Variants in DNAJC10 observed in about 807,000 individuals in gnomAD.
DNAJC10 encodes endoplasmic reticulum disulfide reductase DNAJC10.
DNAJC10 carries 101 observed loss-of-function variants against 115.0 expected under a neutral mutation model. That is an observed-to-expected ratio of 0.88 (90% CI 0.75 to 1.04). The LOEUF (loss-of-function observed/expected upper bound fraction) is 1.04. Ranked by LOEUF, DNAJC10 falls within the 50% of genes least tolerant of loss-of-function variation. The pLI, the probability that DNAJC10 is intolerant of heterozygous loss-of-function variation, is 0.00. For missense variants in DNAJC10, 981 were observed against 928.8 expected (o/e 1.06, Z -0.73); for synonymous variants, 307 against 301.5 (o/e 1.02, Z -0.19).
intron 16 of DNAJC10, chr2:182,754,794 A>T (rs894904171): frequency 1.4e-5 from 19 of 1,312,146 alleles, no homozygotes; most frequent in Non-Finnish European, 1.8e-5. Context: ...AGCAGCTATA[A>T]ATAAGGATCA....
Position 182,781,396 on chromosome 2 carries a change from C to T in DNAJC10, c.*4264C>T, listed in dbSNP as rs1694842788. The T allele has an allele frequency of 2.0e-5, 3 of 152,156 alleles. No individual in the cohort carries two copies. The South Asian group carries it at 6.2e-4, about 32-fold the overall frequency. 9.4% of individuals were successfully genotyped at this position (152,156 alleles called of 1,614,324 possible). A position where few individuals can be genotyped will look rare whatever the true frequency, so the allele number is the denominator to read the frequency against. ...CATTTTGGTTGGTTCCAAGTGTTTC[C>T]TATTGTGAATAGTGCTCCAATAAAC... On this transcript the variant is annotated 3_prime_UTR_variant, in exon 24 of 24. Coordinates refer to ENST00000264065, the MANE Select transcript of DNAJC10 (RefSeq NM_018981.4).
At chr2:182,716,964 T>G (rs1345626798) in intron 1 of DNAJC10, 52 bp from the exon 2 acceptor site, 1 of 152,252 alleles carries the variant, frequency 6.6e-6, no homozygotes, top group African/African-American at 2.4e-5. Flanking sequence ...TTCTGATGGT[T>G]GTTTTCTTGT....
chr2:182,748,073 A>T (rs1320992990), intron 14 of DNAJC10, among the ~76,000 whole-genome samples: 1 of 144,846 alleles, frequency 6.9e-6, no homozygotes, highest in Non-Finnish European at 1.5e-5. Context: ...CATCCCAGGG[A>T]TGAAGCCCAC....
At chr2:182,725,927 A>G (rs1411666379) in intron 5 of DNAJC10, among the ~76,000 whole-genome samples, 1 of 152,192 alleles carries the variant, frequency 6.6e-6, no homozygotes, top group Non-Finnish European at 1.5e-5. Flanking sequence ...CCGTAAATCA[A>G]GGAGTAATTT....
chr2:182,735,690 T>G (rs2105634799), intron 10 of DNAJC10, among the ~76,000 whole-genome samples: 1 of 152,250 alleles, frequency 6.6e-6, no homozygotes, highest in African/African-American at 2.4e-5. Context: ...ACTTGCCCAG[T>G]GCAGAAATTT....
chr2:182,788,541 A>G lies in DNAJC10; in HGVS notation c.*11409A>G, dbSNP rs930619772. ...TATAAAAAGTATTAAAATTTGAAAA[A>G]TATCTTGGAAATAAGGATGGACAGT... On this transcript the variant is annotated 3_prime_UTR_variant, in exon 24 of 24. Transcript: ENST00000264065. The G allele has an allele frequency of 1.0e-5, 2 of 200,828 alleles. No individual in the cohort carries two copies. The highest frequency in any genetic ancestry group is 2.1e-5 in the Non-Finnish European group (2 of 97,514). 12.4% of individuals were successfully genotyped at this position (200,828 alleles called of 1,614,324 possible).
intron 5 of DNAJC10, among the ~76,000 whole-genome samples, chr2:182,725,086 CATT>C (rs1294258383): frequency 6.6e-6 from 1 of 152,080 alleles, no homozygotes; most frequent in African/African-American, 2.4e-5. Flanking sequence ...CAAACTTTTT[CATT>C]ATTATTCTGT....
rs992376212 is a variant in DNAJC10, at chr2:182,717,016, G to A, written c.-203G>A. On this transcript the variant is annotated splice_region_variant and 5_prime_UTR_variant, in exon 2 of 24. Transcript: ENST00000264065. ...CTCTACATCATTATATTTTTCAAAG[G>A]TATATTTTTGTGGAATGAAAAGGAA... 1 of 152,202 alleles carries A rather than the reference G, an allele frequency of 6.6e-6. No individual in the cohort carries two copies. The highest frequency in any genetic ancestry group is 2.4e-5 in the African/African-American group (1 of 41,450). The allele number at this position is 152,202 out of a possible 1,614,324, so 9.4% of individuals were successfully genotyped here.
rs750728731 is a variant in DNAJC10, at chr2:182,728,568, A to G, written c.419-8A>G. The G allele has an allele frequency of 6.3e-7, 1 of 1,599,424 alleles. No homozygotes were observed. On this transcript the variant is annotated splice_region_variant and splice_polypyrimidine_tract_variant and intron_variant, in intron 5 of 23. Coordinates refer to ENST00000264065, the MANE Select transcript of DNAJC10 (RefSeq NM_018981.4). The stretch of plus-strand genomic sequence containing the variant: ...ATTCTAAGTTGTTTGCATTTTATGT[A>G]TTTTTAGATGCTGCTGTTAATTCTG...
intron 22 of DNAJC10, among the ~76,000 whole-genome samples, chr2:182,766,524 C>G (rs780957032): frequency 4.6e-5 from 7 of 152,110 alleles, no homozygotes; most frequent in Non-Finnish European, 1.5e-5. Context: ...TGCATGCTGC[C>G]TTCTAGGTTT....
rs748069079 is a variant in DNAJC10, at chr2:182,756,441, T to C, written c.1781T>C (p.Leu594Ser). ...CCGTGGTGTCATCCTTGCCAAGTCT[T>C]AATGCCAGAATGGAAAAGAATGGCC... ...YSPWCHPCQVLMPEWKRMART... is the reference protein window; with the variant it reads ...YSPWCHPCQVSMPEWKRMART... The change falls in exon 18 of 24, where the codon TTA (leucine) becomes TCA (serine). Residue 594 changes from leucine (L) to serine (S), a missense_variant. Physicochemically the swap from Leu to Ser is moderately radical, Grantham distance 145 (BLOSUM62 -2). Coordinates refer to ENST00000264065, the MANE Select transcript of DNAJC10 (RefSeq NM_018981.4). 6.2e-7 allele frequency: 1 copy of C among 1,613,922 alleles called. No homozygotes were observed. Among genetic ancestry groups the C allele is most frequent in the South Asian group, 1.1e-5 (1 of 91,038 alleles).
intron 22 of DNAJC10, among the ~76,000 whole-genome samples, chr2:182,767,982 T>C (rs1694458792): frequency 6.6e-6 from 1 of 152,142 alleles, no homozygotes. Context: ...GCCATGTACA[T>C]ACGTATGAAT....
chr2:182,774,477 G>A (rs1694650526), intron 22 of DNAJC10, among the ~76,000 whole-genome samples: 1 of 152,192 alleles, frequency 6.6e-6, no homozygotes, highest in African/African-American at 2.4e-5. Context: ...GAGGCTGAAG[G>A]CCTTGTTGAG....
intron 11 of DNAJC10, among the ~76,000 whole-genome samples, chr2:182,736,811 G>A (rs1290512700): frequency 2.6e-5 from 4 of 152,080 alleles, no homozygotes; most frequent in Non-Finnish European, 4.4e-5. Context: ...GTGCAGTGGC[G>A]TGATCTCGGC....
intron 9 of DNAJC10, 133 bp downstream of exon 9, chr2:182,731,240 T>A: frequency 1.7e-6 from 1 of 593,322 alleles, no homozygotes. Flanking sequence ...ACAATTTTTT[T>A]ACTTAATGAA....
rs1026695778 is a variant in DNAJC10, at chr2:182,717,193, A to G, written c.-147+121A>G. 5 of 152,332 alleles carry G rather than the reference A, an allele frequency of 3.3e-5. 1 individual carries two copies. The highest frequency in any genetic ancestry group is 3.3e-4 in the Admixed American group (5 of 15,298). The allele number at this position is 152,332 out of a possible 1,614,324, so 9.4% of individuals were successfully genotyped here. On this transcript the variant is annotated intron_variant, in intron 2 of 23. Transcript: ENST00000264065. ...TTTGGAACTAAAATATAGTGGTTGA[A>G]ATGTGATATGATGAAGTAATGATTG...
In DNAJC10 at chr2:182,728,564, A is replaced by G. The variant is rs1693350866; in HGVS notation, c.419-12A>G. ...AATAATTCTAAGTTGTTTGCATTTTATGTATTTTTAGATGCTGCTGTTAAT... is the reference window on the plus strand; with the variant it reads ...AATAATTCTAAGTTGTTTGCATTTTGTGTATTTTTAGATGCTGCTGTTAAT... On this transcript the variant is annotated splice_polypyrimidine_tract_variant and intron_variant, in intron 5 of 23. Coordinates refer to ENST00000264065, the MANE Select transcript of DNAJC10 (RefSeq NM_018981.4). 1.3e-6 allele frequency: 2 copies of G among 1,587,428 alleles called. No individual in the cohort carries two copies. Among genetic ancestry groups the G allele is most frequent in the Admixed American group, 1.7e-5 (1 of 59,342 alleles).
chr2:182,742,260 C>T (rs1263216945), intron 13 of DNAJC10, among the ~76,000 whole-genome samples: 1 of 152,204 alleles, frequency 6.6e-6, no homozygotes, highest in Non-Finnish European at 1.5e-5. Flanking sequence ...TCTTGACTCA[C>T]TGCAACCTCA....
chr2:182,727,926 A>G (rs1693332614), intron 5 of DNAJC10, among the ~76,000 whole-genome samples: 1 of 152,184 alleles, frequency 6.6e-6, no homozygotes, highest in Non-Finnish European at 1.5e-5. Flanking sequence ...TAGATATTAT[A>G]TGTTGTTCAA....
Sources: gnomAD v4.1 joint callset for allele counts (sites outside exome capture counted in the v4.1 genomes callset) on GRCh38, gnomAD v4.1.1 for gene constraint, MANE v1.5 for transcripts, NCBI Gene and HGNC (gene_info 2026-07-23, HGNC 2026-07-21) for gene names.